SRPK2: variants seen among roughly 807,000 people sequenced by gnomAD.
The protein encoded by SRPK2 is SRSF protein kinase 2.
Under a neutral mutation model 90.8 loss-of-function variants are expected in SRPK2, and 21 were observed. That is an observed-to-expected ratio of 0.23 (90% CI 0.16 to 0.33). SRPK2 has a LOEUF of 0.33. Ranked by LOEUF, SRPK2 falls within the 10% of genes least tolerant of loss-of-function variation. The pLI, the probability that SRPK2 is intolerant of heterozygous loss-of-function variation, is 1.00. For missense variants in SRPK2, 620 were observed against 869.0 expected (o/e 0.71, Z 3.60); for synonymous variants, 288 against 311.1 (o/e 0.93, Z 0.78).
In SRPK2 at chr7:105,170,967, G is replaced by GAAAA. The variant is rs66735717; in HGVS notation, c.230-1703_230-1702insTTTT. 2.7e-5 allele frequency among the ~76,000 whole-genome samples: 2 copies of GAAAA among 74,506 alleles called. 1 individual carries two copies. The highest frequency in any genetic ancestry group is 5.3e-5 in the Non-Finnish European group (2 of 37,538). 48.9% of individuals were successfully genotyped at this position (74,506 alleles called of 152,430 possible). ...AGAAAGAAAGAAAGAAAGAAAGAAAGAGAAAGAAAGAGAAAGAAAGAAAGA... is the reference window on the plus strand; with the variant it reads ...AGAAAGAAAGAAAGAAAGAAAGAAAGAAAAAGAAAGAAAGAGAAAGAAAGAAAGA... On this transcript the variant is annotated intron_variant, in intron 3 of 15. Transcript: ENST00000393651.
At chr7:105,222,992 A>C (rs1250694079) in intron 2 of SRPK2, among the ~76,000 whole-genome samples, 2 of 152,252 alleles carry the variant, frequency 1.3e-5, no homozygotes, top group African/African-American at 4.8e-5. Context: ...TTAAAGGCAC[A>C]AATGACACAG....
At chr7:105,340,474 G>A (rs1815634259) in intron 2 of SRPK2, among the ~76,000 whole-genome samples, 1 of 142,418 alleles carries the variant, frequency 7.0e-6, no homozygotes, top group Non-Finnish European at 1.5e-5. Context: ...TGCCATCACT[G>A]CTCAACACAG....
At chr7:105,356,877 C>T (rs1700898231) in intron 2 of SRPK2, among the ~76,000 whole-genome samples, 1 of 152,048 alleles carries the variant, frequency 6.6e-6, no homozygotes. Flanking sequence ...AATGAAAGAC[C>T]CTGAGACAGC....
chr7:105,391,080 C>T (rs994344582), upstream of SRPK2, among the ~76,000 whole-genome samples: 9 of 151,984 alleles, frequency 5.9e-5, no homozygotes, highest in African/African-American at 2.2e-4. Flanking sequence ...ATGCAAATGA[C>T]CAAACTAGCA....
intron 2 of SRPK2, chr7:105,245,101 A>G: frequency 1.6e-6 from 1 of 618,708 alleles, no homozygotes; most frequent in Non-Finnish European, 2.9e-6. Flanking sequence ...TTCCTAACCA[A>G]GTGGGAAAGA....
intron 7 of SRPK2, among the ~76,000 whole-genome samples, chr7:105,152,308 C>A (rs1364854062): frequency 6.6e-6 from 1 of 151,982 alleles, no homozygotes; most frequent in Non-Finnish European, 1.5e-5. Flanking sequence ...TGTCACCATG[C>A]CCAGCTACTT....
At chr7:105,236,338 A>G (rs1585293620) in intron 2 of SRPK2, among the ~76,000 whole-genome samples, 1 of 152,128 alleles carries the variant, frequency 6.6e-6, no homozygotes, top group Non-Finnish European at 1.5e-5. Flanking sequence ...ATTTATTCTA[A>G]TATGTATTTT....
At chr7:105,179,351 G>A (rs545639434) in intron 3 of SRPK2, among the ~76,000 whole-genome samples, 1 of 152,212 alleles carries the variant, frequency 6.6e-6, no homozygotes, top group African/African-American at 2.4e-5. Flanking sequence ...TTACTGTTCT[G>A]CCAGTACTCT....
chr7:105,384,508 G>A (rs1821309942), intron 2 of SRPK2, among the ~76,000 whole-genome samples: 1 of 152,120 alleles, frequency 6.6e-6, no homozygotes. Context: ...AGTAGATAAT[G>A]ACAAAAGTAA....
intron 2 of SRPK2, among the ~76,000 whole-genome samples, chr7:105,387,722 A>C (rs1268159124): frequency 6.6e-6 from 1 of 152,236 alleles, no homozygotes; most frequent in Non-Finnish European, 1.5e-5. Context: ...TCTTGCTCAA[A>C]AGAGCGAAGC....
intron 2 of SRPK2, among the ~76,000 whole-genome samples, chr7:105,218,571 A>G (rs1317435518): frequency 6.6e-6 from 1 of 152,244 alleles, no homozygotes; most frequent in Non-Finnish European, 1.5e-5. Context: ...GCAGATAGAA[A>G]TAAGAATTTG....
chr7:105,269,154 A>C, intron 2 of SRPK2: 1 of 979,012 alleles, frequency 1.0e-6, no homozygotes, highest in Non-Finnish European at 1.3e-6. Flanking sequence ...TGGTTCTACA[A>C]GATGATTTTC....
At chr7:105,178,297 A>G (rs1463522184) in intron 3 of SRPK2, among the ~76,000 whole-genome samples, 1 of 152,212 alleles carries the variant, frequency 6.6e-6, no homozygotes, top group Admixed American at 6.5e-5. Flanking sequence ...AAATATAAAC[A>G]ATAATGAAGC....
At chr7:105,309,614 T>C (rs1811491418) in intron 2 of SRPK2, among the ~76,000 whole-genome samples, 1 of 152,156 alleles carries the variant, frequency 6.6e-6, no homozygotes, top group South Asian at 2.1e-4. Flanking sequence ...CAAAAATACC[T>C]AGTGAACAAC....
intron 2 of SRPK2, among the ~76,000 whole-genome samples, chr7:105,370,312 C>G (rs959047465): frequency 1.3e-5 from 2 of 152,104 alleles, no homozygotes; most frequent in Non-Finnish European, 2.9e-5. Context: ...TAAACCTGCC[C>G]AACACACACA....
At chr7:105,237,541 T>C (rs1025746159) in intron 2 of SRPK2, among the ~76,000 whole-genome samples, 5 of 152,206 alleles carry the variant, frequency 3.3e-5, no homozygotes, top group Non-Finnish European at 7.3e-5. Flanking sequence ...ATAGTTTTCA[T>C]CTCTAAAAGG....
intron 3 of SRPK2, among the ~76,000 whole-genome samples, chr7:105,199,786 G>T (rs930337907): frequency 1.3e-5 from 2 of 151,868 alleles, no homozygotes; most frequent in African/African-American, 4.8e-5. Context: ...AAGGAAGCAG[G>T]TGCATATGTT....
intron 2 of SRPK2, among the ~76,000 whole-genome samples, chr7:105,379,451 T>C (rs1193143298): frequency 2.0e-5 from 3 of 152,050 alleles, no homozygotes; most frequent in African/African-American, 4.8e-5. Flanking sequence ...CCAAGCGTAC[T>C]GAGGGATGAC....
rs1206859302 is a variant in SRPK2, at chr7:105,388,856, G to A, written c.-50C>T. 4.6e-6 allele frequency: 6 copies of A among 1,311,734 alleles called. No homozygotes were observed. Among genetic ancestry groups the A allele is most frequent in the Non-Finnish European group, 5.8e-6 (6 of 1,036,508 alleles). 81.3% of individuals were successfully genotyped at this position (1,311,734 alleles called of 1,614,324 possible). ...GGGGCTTCGCGACGGCGACGCGGGC[G>A]CCGAGACGAGCTGGGCTGCAGCCTC... On this transcript the variant is annotated 5_prime_UTR_variant, in exon 1 of 16. Transcript: ENST00000393651.
Sources: gnomAD v4.1 joint callset for allele counts (sites outside exome capture counted in the v4.1 genomes callset) on GRCh38, gnomAD v4.1.1 for gene constraint, MANE v1.5 for transcripts, NCBI Gene and HGNC (gene_info 2026-07-23, HGNC 2026-07-21) for gene names.